Variants in MYO7A observed in about 807,000 individuals in gnomAD.
The protein encoded by MYO7A is unconventional myosin-VIIa.
Under a neutral mutation model 263.8 loss-of-function variants are expected in MYO7A, and 210 were observed. The ratio of observed to expected loss-of-function variants is 0.80; its 90% confidence interval spans 0.71 to 0.89. The LOEUF (loss-of-function observed/expected upper bound fraction) is 0.89, where lower values mean the gene tolerates loss of function less well. Ranked by LOEUF, MYO7A falls within the 40% of genes least tolerant of loss-of-function variation. The pLI is 0.00. For missense variants in MYO7A, 2,820 were observed against 2,968.3 expected, an observed-to-expected ratio of 0.95 and a Z score of 1.16; for synonymous variants, 1,239 against 1,197.3, an observed-to-expected ratio of 1.03 and a Z score of -0.72.
In MYO7A at chr11:77,201,449, A is replaced by G. The variant is rs1315604077; in HGVS notation, c.4854A>G (p.Ala1618=). Residue 1618 remains alanine (A), a splice_region_variant and synonymous_variant, in exon 36 of 49, where the codon GCA becomes GCG. Coordinates refer to ENST00000409709, the MANE Select transcript of MYO7A (RefSeq NM_000260.4). ...GTCCCACTCACCTCTGCTCTACAGC[A>G]GGCGAGGAGTCAGGCTTCCTCAGCT... ...VVALQDNPNP[A]GEESGFLSFA... 2 of 1,613,370 alleles carry G rather than the reference A, an allele frequency of 1.2e-6. No individual in the cohort carries two copies. Among genetic ancestry groups the G allele is most frequent in the Non-Finnish European group, 8.5e-7 (1 of 1,179,628 alleles).
At chr11:77,160,401 G>A in intron 11 of MYO7A, 119 bp downstream of exon 11, 5 of 1,388,754 alleles carry the variant, frequency 3.6e-6, no homozygotes, top group Non-Finnish European at 4.8e-6. Context: ...ACCCCTGCCT[G>A]CCCCGGGGCT....
chr11:77,158,255 A>G, intron 8 of MYO7A, 22 bp from the exon 9 acceptor site: 1 of 1,564,088 alleles, frequency 6.4e-7, no homozygotes, highest in Non-Finnish European at 8.7e-7. Context: ...CTTGCACCCC[A>G]CTCTCCCACC....
chr11:77,168,837 G>A (rs1953811767), intron 15 of MYO7A, among the ~76,000 whole-genome samples: 1 of 152,114 alleles, frequency 6.6e-6, no homozygotes, highest in Non-Finnish European at 1.5e-5. Flanking sequence ...GCCCAGAGAG[G>A]CCAAGGTGCT....
chr11:77,158,508 G>A (rs1260673410), intron 9 of MYO7A, 78 bp downstream of exon 9: 2 of 1,500,278 alleles, frequency 1.3e-6, no homozygotes, highest in Non-Finnish European at 1.8e-6. Context: ...CGTGGTATTG[G>A]CAGCTCAGTT....
intron 11 of MYO7A, 122 bp from the exon 12 acceptor site, chr11:77,160,851 G>A: frequency 8.9e-7 from 1 of 1,121,046 alleles, no homozygotes; most frequent in Non-Finnish European, 1.3e-6. Context: ...AAAGGGTTGG[G>A]GGTTTCACAC....
chr11:77,157,413 T>G, intron 8 of MYO7A, 21 bp downstream of exon 8: 1 of 1,551,634 alleles, frequency 6.4e-7, no homozygotes, highest in Non-Finnish European at 8.8e-7. Context: ...GGTGGGCCCC[T>G]GGGTAGGGGG....
At chr11:77,144,496 G>A (rs993227872) in intron 3 of MYO7A, among the ~76,000 whole-genome samples, 1 of 152,160 alleles carries the variant, frequency 6.6e-6, no homozygotes, top group Non-Finnish European at 1.5e-5. Context: ...CAGGAGGGGT[G>A]GGCATGACTG....
At chr11:77,134,098 T>G (rs1950845362) in intron 2 of MYO7A, among the ~76,000 whole-genome samples, 1 of 151,884 alleles carries the variant, frequency 6.6e-6, no homozygotes, top group Admixed American at 6.6e-5. Context: ...CCTGGCTAAT[T>G]TTTTTTATTT....
In MYO7A at chr11:77,179,039, T is replaced by A; in HGVS notation, c.2283-6T>A. 1 of 1,600,316 alleles carries A rather than the reference T, an allele frequency of 6.2e-7. No homozygotes were observed. On this transcript the variant is annotated splice_polypyrimidine_tract_variant and splice_region_variant and intron_variant, in intron 19 of 48. Transcript: ENST00000409709. ...CTGCTCACCCGCGCCACTACTGCTG[T>A]TTCAGGTCTAACTTTCTGAAGCTGA...
intron 2 of MYO7A, among the ~76,000 whole-genome samples, chr11:77,137,592 C>T (rs1262714832): frequency 1.2e-4 from 19 of 152,176 alleles, no homozygotes; most frequent in African/African-American, 4.6e-4. Context: ...GCCTCTGGCT[C>T]ACAGCCCAGC....
intron 16 of MYO7A, among the ~76,000 whole-genome samples, chr11:77,174,433 C>A (rs1338573890): frequency 3.9e-5 from 6 of 152,196 alleles, no homozygotes; most frequent in African/African-American, 9.6e-5. Flanking sequence ...GGCTCACCCC[C>A]TCCAGCCTTG....
chr11:77,208,376 T>C, intron 42 of MYO7A, 54 bp from the exon 43 acceptor site: 1 of 1,388,668 alleles, frequency 7.2e-7, no homozygotes, highest in Non-Finnish European at 1.0e-6. Context: ...GGTGGGAAGG[T>C]CAGAAAATGC....
chr11:77,211,125 G>T, intron 44 of MYO7A, 27 bp from the exon 45 acceptor site: 1 of 1,528,352 alleles, frequency 6.5e-7, no homozygotes, highest in Non-Finnish European at 8.9e-7. Flanking sequence ...GTCCCTGCAC[G>T]CCTGTGACCT....
At chr11:77,205,766 A>G (rs572619003) in intron 40 of MYO7A, 149 bp downstream of exon 40, 2 of 1,109,570 alleles carry the variant, frequency 1.8e-6, no homozygotes, top group African/African-American at 1.6e-5. Context: ...GGAGGTGCGG[A>G]TCCTGCAGCT....
In MYO7A at chr11:77,190,146, G is replaced by A. The variant is rs397516305; in HGVS notation, c.3750+7G>A. The A allele has an allele frequency of 1.3e-4, 201 of 1,554,042 alleles. No individual in the cohort carries two copies. The highest frequency in any genetic ancestry group is 8.1e-4 in the South Asian group (68 of 83,692). On this transcript the variant is annotated splice_region_variant and intron_variant, in intron 29 of 48. Coordinates refer to ENST00000409709, the MANE Select transcript of MYO7A (RefSeq NM_000260.4). The stretch of plus-strand genomic sequence containing the variant: ...CAGCTGGCTGGAGCTGCAGGTTCGT[G>A]CGTGTGTATGCACGTGCTCGTGTGC...
At chr11:77,185,102 T>C in intron 27 of MYO7A, 1 of 372,544 alleles carries the variant, frequency 2.7e-6, no homozygotes, top group South Asian at 2.2e-5. Context: ...GATTAGAAAT[T>C]AATGCCAAAA....
intron 4 of MYO7A, among the ~76,000 whole-genome samples, chr11:77,151,556 G>A (rs943458823): frequency 6.6e-6 from 1 of 152,068 alleles, no homozygotes; most frequent in Non-Finnish European, 1.5e-5. Flanking sequence ...CCTGAGCTCC[G>A]CCTGGGGACC....
At chr11:77,204,569 C>T (rs1957307524) in intron 39 of MYO7A, among the ~76,000 whole-genome samples, 1 of 152,248 alleles carries the variant, frequency 6.6e-6, no homozygotes, top group Non-Finnish European at 1.5e-5. Flanking sequence ...TGTCCCCTCC[C>T]TGGTGCAGGC....
chr11:77,138,163 C>T lies in MYO7A; in HGVS notation c.19-4546C>T, dbSNP rs947296303. Among the ~76,000 whole-genome samples, 5 of 152,008 alleles carry T rather than the reference C, an allele frequency of 3.3e-5. No homozygotes were observed. Among genetic ancestry groups the T allele is most frequent in the Non-Finnish European group, 4.4e-5 (3 of 67,962 alleles). ...GGCCGGGGTGGCGCGGGCGCCCCCT[C>T]GCCGTCCCGCCCGCGGGCGTCACCT... is the stretch of plus-strand genomic sequence containing the variant. On this transcript the variant is annotated intron_variant, in intron 2 of 48. Transcript: ENST00000409709. This position sits in a 1 kb window ranked among gnomAD's most constrained non-coding sequence, Gnocchi z 4.9.
Sources: gnomAD v4.1 joint callset for allele counts (sites outside exome capture counted in the v4.1 genomes callset) on GRCh38, gnomAD v4.1.1 for gene constraint, Gnocchi (gnomAD v3.1) non-coding constraint, MANE v1.5 for transcripts, NCBI Gene and HGNC (gene_info 2026-07-23, HGNC 2026-07-21) for gene names.